The following ROBO2 variants were observed in gnomAD, a reference collection of about 807,000 sequenced individuals.
ROBO2 encodes the protein roundabout homolog 2.
ROBO2 carries 53 observed loss-of-function variants against 160.8 expected under a neutral mutation model. That is an observed-to-expected ratio of 0.33 (90% CI 0.26 to 0.41). The LOEUF is 0.41. Ranked by LOEUF, ROBO2 falls within the 10% of genes least tolerant of loss-of-function variation. The probability of loss-of-function intolerance (pLI) is 1.00; values close to 1 mark genes in which losing one functional copy is unlikely to be tolerated. For missense variants in ROBO2, 1,577 were observed against 1,722.4 expected (o/e 0.92, Z 1.49); for synonymous variants, 664 against 611.7 (o/e 1.09, Z -1.26).
intron 2 of ROBO2, among the ~76,000 whole-genome samples, chr3:76,989,045 T>C (rs2060530128): frequency 6.6e-6 from 1 of 152,128 alleles, no homozygotes; most frequent in Non-Finnish European, 1.5e-5. Context: ...AACACCTTCT[T>C]AACATGATAA....
chr3:76,906,883 A>C (rs138869818), intron 2 of ROBO2, among the ~76,000 whole-genome samples: 8 of 152,260 alleles, frequency 5.3e-5, no homozygotes, highest in Admixed American at 5.2e-4. Flanking sequence ...ACTCATTTTG[A>C]ATTCATATTT....
At chr3:77,285,227 T>A (rs2153377804) in intron 2 of ROBO2, among the ~76,000 whole-genome samples, 1 of 152,294 alleles carries the variant, frequency 6.6e-6, no homozygotes, top group Middle Eastern at 3.4e-3. Context: ...AGGGCTATGT[T>A]CACTTTCTAC....
At chr3:76,832,121 A>G (rs2067145680) in intron 2 of ROBO2, among the ~76,000 whole-genome samples, 1 of 152,210 alleles carries the variant, frequency 6.6e-6, no homozygotes, top group African/African-American at 2.4e-5. Context: ...TTTTGACTTC[A>G]TTTAATGCTT....
At chr3:76,541,986 C>A in intron 2 of ROBO2, among the ~76,000 whole-genome samples, 1 of 152,130 alleles carries the variant, frequency 6.6e-6, no homozygotes, top group East Asian at 1.9e-4. Flanking sequence ...CAGCACTTAC[C>A]TTCACCAAAT....
chr3:76,376,932 G>A (rs541878675), intron 2 of ROBO2, among the ~76,000 whole-genome samples: 13 of 152,210 alleles, frequency 8.5e-5, no homozygotes, highest in Admixed American at 3.3e-4. Flanking sequence ...CCACAGGGAG[G>A]AATCATGGGT....
At position 77,335,475 on chromosome 3, in the gene ROBO2, A is replaced by G. The variant is rs78673483; in HGVS notation, c.389-141939A>G. ...TATGTTCATCTATAGCCATAGCTGT[A>G]CCTATGTTCTTTAACTTAATTATAC... is the stretch of plus-strand genomic sequence containing the variant. On this transcript the variant is annotated intron_variant, in intron 2 of 25. Coordinates refer to ENST00000461745, the Ensembl canonical transcript of ROBO2. Among the ~76,000 whole-genome samples, 846 of 152,314 alleles carry G rather than the reference A, an allele frequency of 5.6e-3. 6 individuals carry two copies. The highest frequency in any genetic ancestry group is 0.019 in the African/African-American group (806 of 41,552).
chr3:77,096,452 CT>C (rs535870944), intron 1 of ROBO2, among the ~76,000 whole-genome samples: 14,050 of 142,646 alleles, frequency 0.098, 1,033 homozygotes, highest in African/African-American at 0.23. Flanking sequence ...TTTTCTTTTT[CT>C]TTTTTTTTTT....
At chr3:77,204,580 C>T (rs1056883098) in intron 2 of ROBO2, among the ~76,000 whole-genome samples, 4 of 152,100 alleles carry the variant, frequency 2.6e-5, no homozygotes, top group Non-Finnish European at 4.4e-5. Context: ...TTTTAGACTT[C>T]TAGGCCTCCC....
intron 2 of ROBO2, among the ~76,000 whole-genome samples, chr3:76,610,581 C>T (rs1349794457): frequency 2.0e-5 from 3 of 152,248 alleles, no homozygotes; most frequent in East Asian, 1.9e-4. Context: ...CAGCTCTTCA[C>T]TCCCATAGCT....
chr3:76,362,936 T>C (rs540805464), intron 2 of ROBO2, among the ~76,000 whole-genome samples: 9 of 152,188 alleles, frequency 5.9e-5, no homozygotes, highest in Middle Eastern at 3.4e-3. Flanking sequence ...TTCTGGGAGC[T>C]AGTCTTGGGG....
chr3:76,219,008 G>A lies in ROBO2; in HGVS notation c.109+281406G>A, dbSNP rs146653077. On this transcript the variant is annotated intron_variant, in intron 2 of 26. Transcript: ENST00000487694. ...GAACAGAGCCCTCAGAAGTAATGCC[G>A]CATATCTACAACTATCTGGTCTTTG... is the stretch of plus-strand genomic sequence containing the variant. 4.9e-4 allele frequency among the ~76,000 whole-genome samples: 75 copies of A among 152,186 alleles called. No homozygotes were observed. In the East Asian group the frequency reaches 0.012, roughly 25 times the overall value.
intron 2 of ROBO2, among the ~76,000 whole-genome samples, chr3:76,047,589 C>G (rs9830917): frequency 0.99 from 151,539 of 152,348 alleles, 75,373 homozygotes; most frequent in Middle Eastern, 1. Flanking sequence ...TCTGGGATTT[C>G]TGCGTGATGA....
chr3:76,896,793 T>G (rs1241875485), intron 2 of ROBO2, among the ~76,000 whole-genome samples: 1 of 152,186 alleles, frequency 6.6e-6, no homozygotes, highest in Non-Finnish European at 1.5e-5. Context: ...TTGAGCCCAT[T>G]GATTTTGATA....
chr3:76,003,686 G>T (rs1290377649), intron 2 of ROBO2, among the ~76,000 whole-genome samples: 1 of 152,174 alleles, frequency 6.6e-6, no homozygotes, highest in Non-Finnish European at 1.5e-5. Context: ...AGGATGCAGA[G>T]GGCTAATTTT....
intron 2 of ROBO2, among the ~76,000 whole-genome samples, chr3:77,151,595 A>G (rs2077550132): frequency 6.6e-6 from 1 of 152,200 alleles, no homozygotes; most frequent in Non-Finnish European, 1.5e-5. Context: ...TTGACAGACT[A>G]CAACTTGATT....
intron 2 of ROBO2, among the ~76,000 whole-genome samples, chr3:76,614,865 A>G (rs146941969): frequency 3.4e-4 from 52 of 152,224 alleles, no homozygotes; most frequent in African/African-American, 1.2e-3. Flanking sequence ...TTTGAAACAA[A>G]TCGGGGTGAC....
chr3:77,336,909 A>G (rs538186140), intron 2 of ROBO2, among the ~76,000 whole-genome samples: 1 of 152,356 alleles, frequency 6.6e-6, no homozygotes, highest in South Asian at 2.1e-4. Context: ...TGAGGAAAAA[A>G]GGAAGACAAG....
In ROBO2 at chr3:76,872,984, T is replaced by C. The variant is rs376276427; in HGVS notation, c.110-225030T>C. Among the ~76,000 whole-genome samples the C allele has an allele frequency of 1.2e-4, 19 of 152,266 alleles. No homozygotes were observed. In the South Asian group the frequency reaches 3.9e-3, roughly 32 times the overall value. On this transcript the variant is annotated intron_variant, in intron 2 of 26. Transcript: ENST00000487694. Reference sequence around the variant, plus strand: ...AAAGTGTTACTTAAAAGTGGCGTTCTGTTCAAAAAATTCAGATGATATATT... The same window carrying C: ...AAAGTGTTACTTAAAAGTGGCGTTCCGTTCAAAAAATTCAGATGATATATT...
chr3:76,433,465 G>GGGA (rs1353245804), intron 2 of ROBO2, among the ~76,000 whole-genome samples: 1 of 152,132 alleles, frequency 6.6e-6, no homozygotes, highest in Non-Finnish European at 1.5e-5. Flanking sequence ...TTAAATAGCT[G>GGGA]TCAACCTACA....
Sources: gnomAD v4.1 joint callset for allele counts (sites outside exome capture counted in the v4.1 genomes callset) on GRCh38, gnomAD v4.1.1 for gene constraint, MANE v1.5 for transcripts, NCBI Gene and HGNC (gene_info 2026-07-23, HGNC 2026-07-21) for gene names.